The following DST variants were observed in gnomAD, a reference collection of about 807,000 sequenced individuals.
The protein encoded by DST is bullous pemphigoid antigen.
In DST, 253 loss-of-function variants were observed where a neutral mutation model predicts 875.2. That is an observed-to-expected ratio of 0.29 (90% CI 0.26 to 0.32). The LOEUF is 0.32. DST is among the 10% of genes least tolerant of loss of function. The pLI, the probability that DST is intolerant of heterozygous loss-of-function variation, is 1.00. For missense variants in DST, 8,287 were observed against 9,111.6 expected (o/e 0.91, Z 3.68); for synonymous variants, 3,124 against 3,197.1 (o/e 0.98, Z 0.77).
At chr6:56,950,951 C>G (rs1592890135) in intron 2 of DST, among the ~76,000 whole-genome samples, 1 of 152,144 alleles carries the variant, frequency 6.6e-6, no homozygotes, top group Non-Finnish European at 1.5e-5. Context: ...TTATTATATA[C>G]TTAGTGAGGA....
At chr6:56,523,013 T>G (rs1315741820) in intron 69 of DST, among the ~76,000 whole-genome samples, 1 of 152,134 alleles carries the variant, frequency 6.6e-6, no homozygotes, top group Admixed American at 6.6e-5. Flanking sequence ...TATGTACAGT[T>G]TATAACTCAG....
chr6:56,713,588 GGGCAAGT>G (rs1191710155), intron 5 of DST, among the ~76,000 whole-genome samples: 5 of 152,308 alleles, frequency 3.3e-5, no homozygotes, highest in African/African-American at 1.2e-4. Context: ...GGTTAGTGCT[GGGCAAGT>G]AACAGAATCC....
chr6:56,532,652 T>C, intron 63 of DST, 142 bp from the exon 64 acceptor site: 1 of 795,382 alleles, frequency 1.3e-6, no homozygotes. Flanking sequence ...AAGCGAGATT[T>C]TAAAGGTAAC....
At chr6:56,527,446 G>A (rs1235873147) in intron 68 of DST, 47 bp downstream of exon 68, 1 of 1,589,202 alleles carries the variant, frequency 6.3e-7, no homozygotes, top group Non-Finnish European at 8.6e-7. Context: ...GAATAAGACT[G>A]CCTAAAAGAT....
At chr6:56,589,941 A>AT (rs1181926639) in intron 49 of DST, among the ~76,000 whole-genome samples, 1 of 152,230 alleles carries the variant, frequency 6.6e-6, no homozygotes, top group African/African-American at 2.4e-5. Context: ...AGAAAGATCG[A>AT]TTTTTTGTAG....
chr6:56,671,297 G>A (rs1230965600), intron 9 of DST, among the ~76,000 whole-genome samples: 1 of 152,148 alleles, frequency 6.6e-6, no homozygotes, highest in Non-Finnish European at 1.5e-5. Flanking sequence ...TGTTTTCCAA[G>A]TTCAAGTAGA....
At chr6:56,471,894 C>T in intron 94 of DST, 165 bp downstream of exon 94, 1 of 711,156 alleles carries the variant, frequency 1.4e-6, no homozygotes, top group East Asian at 2.7e-5. Context: ...CACAAAATCA[C>T]ACATACTTGT....
chr6:56,887,823 G>C (rs939414581), intron 3 of DST, among the ~76,000 whole-genome samples: 1 of 152,060 alleles, frequency 6.6e-6, no homozygotes, highest in Non-Finnish European at 1.5e-5. Flanking sequence ...TTGGTTTCAT[G>C]AGTTGTTTAT....
In DST at chr6:56,553,639, G is replaced by A. The variant is rs1293734656; in HGVS notation, c.15153C>T (p.His5051=). ...GAGAGCTTGCACAGGCCGACTGAAG[G>A]TGCTGGACATGATTCTCTAGAAATA... ...VEQKAENHVQ[H]LQSACASSHQ... Residue 5051 remains histidine, a synonymous_variant, in exon 61 of 104, where the codon CAC becomes CAT. Coordinates refer to ENST00000680361, the MANE Select transcript of DST (RefSeq NM_001374736.1). 6.2e-7 allele frequency: 1 copy of A among 1,612,708 alleles called. No individual in the cohort carries two copies. The highest frequency in any genetic ancestry group is 8.5e-7 in the Non-Finnish European group (1 of 1,179,664).
chr6:56,698,891 C>T (rs2099278176), intron 9 of DST, among the ~76,000 whole-genome samples: 1 of 152,160 alleles, frequency 6.6e-6, no homozygotes, highest in Non-Finnish European at 1.5e-5. Flanking sequence ...GTTTGGGGTA[C>T]AGATGATCCC....
At chr6:56,810,444 G>A (rs566239155) in intron 4 of DST, among the ~76,000 whole-genome samples, 3 of 152,188 alleles carry the variant, frequency 2.0e-5, no homozygotes, top group African/African-American at 7.2e-5. Context: ...GAATTCTAAG[G>A]AGTTTCTTGT....
chr6:56,500,500 T>C (rs1253468637), intron 80 of DST, among the ~76,000 whole-genome samples: 1 of 151,994 alleles, frequency 6.6e-6, no homozygotes. Flanking sequence ...ATAAATACTT[T>C]AAAAAATCCA....
At chr6:56,655,766 C>T (rs2099004331) in intron 10 of DST, among the ~76,000 whole-genome samples, 1 of 152,164 alleles carries the variant, frequency 6.6e-6, no homozygotes, top group African/African-American at 2.4e-5. Flanking sequence ...CTGGCCAACT[C>T]GAATTCTTTC....
At chr6:56,782,710 T>G (rs1044744482) in intron 4 of DST, among the ~76,000 whole-genome samples, 4 of 152,194 alleles carry the variant, frequency 2.6e-5, no homozygotes, top group African/African-American at 9.6e-5. Context: ...GGGTTTTTTG[T>G]GTCTCTATTT....
chr6:56,863,736 T>C (rs1772523414), intron 3 of DST: 1 of 152,178 alleles, frequency 6.6e-6, no homozygotes. Flanking sequence ...TCTGTGTCCA[T>C]AAAACAATAT....
chr6:56,876,131 T>G (rs1178541998), intron 3 of DST, among the ~76,000 whole-genome samples: 4 of 152,130 alleles, frequency 2.6e-5, no homozygotes, highest in Non-Finnish European at 4.4e-5. Flanking sequence ...CTCTCTTCCT[T>G]TCCCTGAATT....
At position 56,779,198 on chromosome 6, in the gene DST, G is replaced by C. The variant is rs147180796; in HGVS notation, c.626-43909C>G. Among the ~76,000 whole-genome samples the C allele has an allele frequency of 6.4e-3, 975 of 151,944 alleles. 2 individuals carry two copies. The highest frequency in any genetic ancestry group is 0.031 in the Middle Eastern group (9 of 294). ...AAACGTCTTCTTTTGAGAAGTGTCT[G>C]TTCAAATCCTTCACCCACTTTTTGA... On this transcript the variant is annotated intron_variant, in intron 4 of 103. Coordinates refer to ENST00000680361, the MANE Select transcript of DST (RefSeq NM_001374736.1).
intron 88 of DST, among the ~76,000 whole-genome samples, chr6:56,483,133 T>C (rs2095451512): frequency 2.0e-5 from 3 of 152,228 alleles, no homozygotes; most frequent in African/African-American, 7.2e-5. Context: ...GATTATCTTA[T>C]TTTAAAATGA....
rs758701051 is a variant in DST, at chr6:56,616,304, GA to G, written c.4930-1821del. On this transcript the variant is annotated intron_variant, in intron 36 of 103. Transcript: ENST00000680361. ...TTTAGTATCAGTCAGCATATGAGAAGAATGCCCATAGGATTCAAAAAACATA... is the reference window on the plus strand; with the variant it reads ...TTTAGTATCAGTCAGCATATGAGAAGATGCCCATAGGATTCAAAAAACATA... 6.2e-5 allele frequency: 100 copies of G among 1,613,872 alleles called. No homozygotes were observed. The African/African-American group carries it at 1.3e-3, about 21-fold the overall frequency.
Sources: gnomAD v4.1 joint callset for allele counts (sites outside exome capture counted in the v4.1 genomes callset) on GRCh38, gnomAD v4.1.1 for gene constraint, MANE v1.5 for transcripts, NCBI Gene and HGNC (gene_info 2026-07-23, HGNC 2026-07-21) for gene names.